The following PTPRR variants were observed in gnomAD, a reference collection of about 807,000 sequenced individuals.
The protein encoded by PTPRR is protein tyrosine phosphatase receptor type R, also known as receptor-type tyrosine-protein phosphatase R.
Under a neutral mutation model 77.2 loss-of-function variants are expected in PTPRR, and 38 were observed. The ratio of observed to expected loss-of-function variants is 0.49; its 90% CI spans 0.38 to 0.65. PTPRR has a LOEUF of 0.65. PTPRR is among the 30% of genes least tolerant of loss of function. The pLI is 0.00. For missense variants in PTPRR, 744 were observed against 799.2 expected (o/e 0.93, Z 0.83); for synonymous variants, 299 against 283.1 (o/e 1.06, Z -0.57).
At chr12:70,760,637 G>GA (rs936860744) in intron 4 of PTPRR, among the ~76,000 whole-genome samples, 1 of 151,862 alleles carries the variant, frequency 6.6e-6, no homozygotes, top group East Asian at 1.9e-4. Flanking sequence ...CTATAAGAGA[G>GA]AAAAAAAAGA....
At chr12:70,809,464 C>G (rs1488387453) in intron 2 of PTPRR, among the ~76,000 whole-genome samples, 1 of 152,164 alleles carries the variant, frequency 6.6e-6, no homozygotes, top group Non-Finnish European at 1.5e-5. Flanking sequence ...TAAATGTAAT[C>G]TACTTGCCCA....
At chr12:70,688,748 G>A (rs1392995193) in intron 8 of PTPRR, among the ~76,000 whole-genome samples, 3 of 152,142 alleles carry the variant, frequency 2.0e-5, no homozygotes, top group African/African-American at 2.4e-5. Context: ...CTATGTTCTT[G>A]CAGCACTATT....
intron 2 of PTPRR, among the ~76,000 whole-genome samples, chr12:70,828,368 C>A (rs1442212815): frequency 1.3e-5 from 2 of 152,136 alleles, no homozygotes; most frequent in Non-Finnish European, 2.9e-5. Context: ...AAAACACATT[C>A]TTCAGTCCAC....
At chr12:70,705,348 A>T (rs1888579879) in intron 6 of PTPRR, among the ~76,000 whole-genome samples, 1 of 152,212 alleles carries the variant, frequency 6.6e-6, no homozygotes, top group African/African-American at 2.4e-5. Context: ...ATAATGCTAG[A>T]TTTTAGAAGC....
chr12:70,901,153 A>G (rs1307063079), intron 1 of PTPRR, among the ~76,000 whole-genome samples: 1 of 151,500 alleles, frequency 6.6e-6, no homozygotes, highest in East Asian at 1.9e-4. Flanking sequence ...TTTTTGAATT[A>G]GGGATCCTCA....
At chr12:70,720,980 GC>G (rs1327408327) in intron 6 of PTPRR, among the ~76,000 whole-genome samples, 1 of 152,100 alleles carries the variant, frequency 6.6e-6, no homozygotes, top group Non-Finnish European at 1.5e-5. Flanking sequence ...CTCCTTAACA[GC>G]ACTGCTTTCT....
At position 70,744,671 on chromosome 12, in the gene PTPRR, T is replaced by C. The variant is rs1405696116; in HGVS notation, c.1007+1147A>G. On this transcript the variant is annotated intron_variant, in intron 6 of 13. Coordinates refer to ENST00000283228, the MANE Select transcript of PTPRR (RefSeq NM_002849.4). ...TAACTATTTGCATAGGGCATTGTGA[T>C]GTATCATGGGAAATATATTCAAAAT... 2.0e-5 allele frequency among the ~76,000 whole-genome samples: 3 copies of C among 152,246 alleles called. No individual in the cohort carries two copies. The East Asian group carries it at 5.8e-4, about 29-fold the overall frequency.
intron 2 of PTPRR, among the ~76,000 whole-genome samples, chr12:70,786,890 G>C (rs1382079193): frequency 2.0e-5 from 3 of 152,066 alleles, no homozygotes; most frequent in Non-Finnish European, 4.4e-5. Context: ...TTTCTGTCAT[G>C]GGGGAATTAA....
chr12:70,733,658 G>T lies in PTPRR; in HGVS notation c.1007+12160C>A, dbSNP rs150807964. Among the ~76,000 whole-genome samples, 657 of 152,166 alleles carry T rather than the reference G, an allele frequency of 4.3e-3. 18 individuals carry two copies. The East Asian group carries it at 0.074, about 17-fold the overall frequency. ...TCTCTCCATGTTTAGATTGTACCCA[G>T]ATAATCATGCTGCATTGCTAAATGG... On this transcript the variant is annotated intron_variant, in intron 6 of 13. Coordinates refer to ENST00000283228, the MANE Select transcript of PTPRR (RefSeq NM_002849.4).
At chr12:70,666,612 A>G (rs891349105) in intron 10 of PTPRR, among the ~76,000 whole-genome samples, 4 of 152,212 alleles carry the variant, frequency 2.6e-5, no homozygotes, top group African/African-American at 9.6e-5. Context: ...CTACAGTCAA[A>G]TCAGGGACAG....
At chr12:70,828,541 A>G (rs1162797106) in intron 2 of PTPRR, among the ~76,000 whole-genome samples, 2 of 152,200 alleles carry the variant, frequency 1.3e-5, no homozygotes, top group Non-Finnish European at 2.9e-5. Flanking sequence ...CTCATAAACC[A>G]CAGGCTGTAG....
At chr12:70,705,423 G>A (rs139492404) in intron 6 of PTPRR, among the ~76,000 whole-genome samples, 2 of 151,992 alleles carry the variant, frequency 1.3e-5, no homozygotes, top group African/African-American at 2.4e-5. Flanking sequence ...TCTCAGACAT[G>A]CTACTTTTTT....
chr12:70,887,279 G>A lies in PTPRR; in HGVS notation c.357+5400C>T, dbSNP rs1013328445. On this transcript the variant is annotated intron_variant, in intron 2 of 13. Coordinates refer to ENST00000283228, the MANE Select transcript of PTPRR (RefSeq NM_002849.4). ...AGCTGGGCCAACATGGTGAAACCCC[G>A]CCTCTACTAAAAATACAAAAAATTT... Among the ~76,000 whole-genome samples, 13 of 151,978 alleles carry A rather than the reference G, an allele frequency of 8.6e-5. No homozygotes were observed. In the South Asian group the frequency reaches 1.9e-3, roughly 22 times the overall value.
intron 1 of PTPRR, among the ~76,000 whole-genome samples, chr12:70,914,272 C>T (rs938665407): frequency 6.6e-6 from 1 of 152,212 alleles, no homozygotes; most frequent in Admixed American, 6.5e-5. Flanking sequence ...TCGCAAAAGA[C>T]TGCCTTCCTA....
intron 10 of PTPRR, among the ~76,000 whole-genome samples, chr12:70,667,946 C>T (rs4298953): frequency 0.88 from 133,447 of 152,076 alleles, 59,024 homozygotes; most frequent in East Asian, 1. Context: ...AAATTGAGGA[C>T]GACTTCTCCC....
At chr12:70,857,479 G>T (rs543719343) in intron 2 of PTPRR, among the ~76,000 whole-genome samples, 1 of 152,274 alleles carries the variant, frequency 6.6e-6, no homozygotes, top group South Asian at 2.1e-4. Context: ...CTCTTTCAAG[G>T]TGCCTGACTT....
At chr12:70,683,262 G>C (rs943057962) in intron 10 of PTPRR, among the ~76,000 whole-genome samples, 2 of 152,124 alleles carry the variant, frequency 1.3e-5, no homozygotes, top group Non-Finnish European at 2.9e-5. Flanking sequence ...CTGAAATGCT[G>C]ATTAAAATTA....
chr12:70,758,005 C>A (rs1255428910), intron 4 of PTPRR, among the ~76,000 whole-genome samples: 1 of 152,162 alleles, frequency 6.6e-6, no homozygotes, highest in African/African-American at 2.4e-5. Context: ...GGTGCCTGCT[C>A]ACTACAGACA....
At chr12:70,797,604 G>T (rs557014994) in intron 2 of PTPRR, among the ~76,000 whole-genome samples, 133 of 152,264 alleles carry the variant, frequency 8.7e-4, no homozygotes, top group Middle Eastern at 3.4e-3. Context: ...ACAATGGAAA[G>T]AAACCAATCA....
Sources: gnomAD v4.1 joint callset for allele counts (sites outside exome capture counted in the v4.1 genomes callset) on GRCh38, gnomAD v4.1.1 for gene constraint, MANE v1.5 for transcripts, NCBI Gene and HGNC (gene_info 2026-07-23, HGNC 2026-07-21) for gene names.